BAIAP2: variants seen among roughly 807,000 people sequenced by gnomAD.
BAIAP2 encodes the protein BAR/IMD domain containing adaptor protein 2.
Under a neutral mutation model 63.0 loss-of-function variants are expected in BAIAP2, and 18 were observed. The ratio of observed to expected loss-of-function variants is 0.29; its 90% CI spans 0.20 to 0.42. The LOEUF is 0.42. Among genes scored for constraint, BAIAP2 ranks in the 10% least tolerant of loss-of-function variants. BAIAP2 has a pLI of 1.00. For synonymous variants in BAIAP2, 386 were observed against 307.6 expected, an observed-to-expected ratio of 1.25 and a Z score of -2.67; for missense variants, 610 against 734.3, an observed-to-expected ratio of 0.83 and a Z score of 1.96.
At chr17:81,035,524 C>T (rs1428021523) in intron 1 of BAIAP2, among the ~76,000 whole-genome samples, 3 of 149,102 alleles carry the variant, frequency 2.0e-5, no homozygotes, top group African/African-American at 4.9e-5. Context: ...CCCGCCCGGG[C>T]CCCCCCATCC....
chr17:81,071,019 C>T (rs1277191185), intron 3 of BAIAP2, among the ~76,000 whole-genome samples: 2 of 152,170 alleles, frequency 1.3e-5, no homozygotes, highest in Admixed American at 1.3e-4. Flanking sequence ...CAAGGTGGCT[C>T]TTTGGACTTG....
chr17:81,109,735 T>C (rs987405492), intron 13 of BAIAP2: 1 of 985,410 alleles, frequency 1.0e-6, no homozygotes. Flanking sequence ...CGTCGGGCAC[T>C]GGCGGGAGCA....
At position 81,090,682 on chromosome 17, in the gene BAIAP2, C is replaced by T. The variant is rs956533053; in HGVS notation, c.489+4102C>T. ...CTCGGAGCCGTCAGCATCCCCAGCC[C>T]CACATCGGAGTTTGAGGGGGTGGGG... On this transcript the variant is annotated intron_variant, in intron 6 of 13. Coordinates refer to ENST00000428708, the MANE Select transcript of BAIAP2 (RefSeq NM_001144888.2). Among the ~76,000 whole-genome samples the T allele has an allele frequency of 2.6e-5, 4 of 152,246 alleles. No individual in the cohort carries two copies. In the East Asian group the frequency reaches 7.7e-4, roughly 29 times the overall value.
chr17:81,104,176 C>T (rs2058843354), intron 9 of BAIAP2, 68 bp downstream of exon 9: 2 of 1,542,976 alleles, frequency 1.3e-6, no homozygotes, highest in African/African-American at 2.7e-5. Context: ...ACAGTCATGC[C>T]ACAACCCTCA....
chr17:81,055,855 C>T (rs145712362), intron 2 of BAIAP2, among the ~76,000 whole-genome samples: 2,525 of 152,164 alleles, frequency 0.017, 70 homozygotes, highest in African/African-American at 0.057. Flanking sequence ...GGTGAGCCAC[C>T]GCGCCCGGCC....
Position 81,038,195 on chromosome 17 carries a change from G to A in BAIAP2, c.54+2887G>A, listed in dbSNP as rs4969354. Reference sequence around the variant, plus strand: ...TGGAGTGCTGGAATCTGCCTCCCCCGGTGGCCTTTGGAATTAAGGCTACTG... The same window carrying A: ...TGGAGTGCTGGAATCTGCCTCCCCCAGTGGCCTTTGGAATTAAGGCTACTG... On this transcript the variant is annotated intron_variant, in intron 1 of 13. Transcript: ENST00000428708. 1.6e-4 allele frequency among the ~76,000 whole-genome samples: 24 copies of A among 152,326 alleles called. No homozygotes were observed. The South Asian group carries it at 4.3e-3, about 28-fold the overall frequency.
chr17:81,081,070 G>T (rs1405094456), intron 3 of BAIAP2, among the ~76,000 whole-genome samples: 1 of 152,208 alleles, frequency 6.6e-6, no homozygotes, highest in Non-Finnish European at 1.5e-5. Flanking sequence ...CAGACCTTGT[G>T]CCTGTTGTCA....
At chr17:81,058,851 A>T (rs2050064803) in intron 3 of BAIAP2, among the ~76,000 whole-genome samples, 1 of 149,098 alleles carries the variant, frequency 6.7e-6, no homozygotes, top group African/African-American at 2.5e-5. Flanking sequence ...CCTTCTTTCT[A>T]CTTTTCTTCT....
At chr17:81,062,988 C>G (rs2050848698) in intron 3 of BAIAP2, among the ~76,000 whole-genome samples, 2 of 138,970 alleles carry the variant, frequency 1.4e-5, no homozygotes, top group South Asian at 4.9e-4. Context: ...CTGCCGATAT[C>G]TTTCCTGTGG....
At chr17:81,108,699 T>TG (rs1341785369) in intron 13 of BAIAP2, 190 bp downstream of exon 13, 1 of 866,438 alleles carries the variant, frequency 1.2e-6, no homozygotes, top group Non-Finnish European at 1.8e-6. Flanking sequence ...GGAACCCCCC[T>TG]GGGCCCTGCC....
intron 2 of BAIAP2, among the ~76,000 whole-genome samples, chr17:81,054,642 G>C (rs542570394): frequency 9.5e-4 from 145 of 152,254 alleles, no homozygotes; most frequent in South Asian, 1.7e-3. Context: ...CAGCAGCTTC[G>C]GGTTTGAGAA....
rs1213943057 is a variant in BAIAP2, at chr17:81,117,246, C to T, written c.*1407C>T. The T allele has an allele frequency of 1.3e-5, 2 of 152,254 alleles. No homozygotes were observed. The highest frequency in any genetic ancestry group is 2.9e-5 in the Non-Finnish European group (2 of 68,036). The allele number at this position is 152,254 out of a possible 1,614,324, so 9.4% of individuals were successfully genotyped here. Reference sequence around the variant, plus strand: ...CATCGGGTTCCTGGCACAGCCCCTCCTGTCCAGGACTTTATCATCGGCAGA... The same window carrying T: ...CATCGGGTTCCTGGCACAGCCCCTCTTGTCCAGGACTTTATCATCGGCAGA... On this transcript the variant is annotated 3_prime_UTR_variant, in exon 14 of 14. Transcript: ENST00000428708.
At chr17:81,102,855 G>A (rs1313566677) in intron 7 of BAIAP2, among the ~76,000 whole-genome samples, 1 of 152,214 alleles carries the variant, frequency 6.6e-6, no homozygotes, top group Non-Finnish European at 1.5e-5. Flanking sequence ...TAGGCCAAAT[G>A]GCCAGGAGGG....
chr17:81,116,470 CCCT>C lies in BAIAP2; in HGVS notation c.*638_*640del, dbSNP rs1363385463. 4.4e-6 allele frequency: 4 copies of C among 907,728 alleles called. No homozygotes were observed. The highest frequency in any genetic ancestry group is 4.9e-6 in the Non-Finnish European group (3 of 614,788). 56.2% of individuals were successfully genotyped at this position (907,728 alleles called of 1,614,324 possible). A position where few individuals can be genotyped will look rare whatever the true frequency, so the allele number is the denominator to read the frequency against. On this transcript the variant is annotated 3_prime_UTR_variant, in exon 14 of 14. Coordinates refer to ENST00000428708, the MANE Select transcript of BAIAP2 (RefSeq NM_001144888.2). ...CCCTCCTGCCTCGGGCAGGCCCCAG[CCCT>C]CCTCCTTACCCAACCTCCCATCCAG...
Position 81,104,976 on chromosome 17 carries a change from A to AGCAGGGATCTGCCCCCAACG in BAIAP2, c.1268+271_1268+272insGCCCCCAACGGCAGGGATCT. On this transcript the variant is annotated intron_variant, in intron 10 of 13. Coordinates refer to ENST00000428708, the MANE Select transcript of BAIAP2 (RefSeq NM_001144888.2). ...CCTACAGGAGGGATCTCCCCCCAAC[A>AGCAGGGATCTGCCCCCAACG]GCAGGGATCTCCCCCCAACGGCAGG... 3 of 345,538 alleles carry AGCAGGGATCTGCCCCCAACG rather than the reference A, an allele frequency of 8.7e-6. No individual in the cohort carries two copies. In the South Asian group the frequency reaches 1.3e-4, roughly 15 times the overall value. The allele number at this position is 345,538 out of a possible 1,614,324, so 21.4% of individuals were successfully genotyped here.
chr17:81,064,361 C>T (rs1047660375), intron 3 of BAIAP2, among the ~76,000 whole-genome samples: 2 of 152,080 alleles, frequency 1.3e-5, no homozygotes, highest in East Asian at 1.9e-4. Context: ...GACGAGGATT[C>T]GGCTGCACTG....
intron 4 of BAIAP2, 170 bp downstream of exon 4, chr17:81,085,063 G>A (rs903454799): frequency 6.8e-5 from 47 of 691,546 alleles, no homozygotes; most frequent in South Asian, 3.4e-4. Context: ...GGAGGACGTC[G>A]GAGAAAAGGG....
At chr17:81,113,958 C>CTTTTTTTTT in intron 13 of BAIAP2, among the ~76,000 whole-genome samples, 1 of 83,170 alleles carries the variant, frequency 1.2e-5, no homozygotes, top group Non-Finnish European at 2.3e-5. Flanking sequence ...TGGGAACCCA[C>CTTTTTTTTT]TTTTTTTTTT....
chr17:81,109,162 G>C, intron 13 of BAIAP2: 1 of 1,436,288 alleles, frequency 7.0e-7, no homozygotes, highest in Non-Finnish European at 9.1e-7. Flanking sequence ...TGATCCCCCA[G>C]GGTCCATGGT....
Sources: allele counts gnomAD v4.1 joint callset (sites outside exome capture counted in the v4.1 genomes callset), GRCh38; gene constraint gnomAD v4.1.1; transcripts MANE v1.5; gene names NCBI Gene and HGNC (gene_info 2026-07-23, HGNC 2026-07-21).